Variants in HYCC1 observed in about 807,000 individuals in gnomAD.
The protein encoded by HYCC1 is hyccin PI4KA lipid kinase complex subunit 1.
chr7:22,908,148 A>T, the HYCC1 span, among the ~76,000 whole-genome samples: 3 of 152,208 alleles, frequency 2.0e-5, no homozygotes, highest in African/African-American at 7.2e-5. Flanking sequence ...AAAACATAAG[A>T]AGAGCTTAAG....
chr7:22,955,512 T>C, the HYCC1 span, among the ~76,000 whole-genome samples: 1 of 151,696 alleles, frequency 6.6e-6, no homozygotes, highest in African/African-American at 2.4e-5. Context: ...GCACTCATTA[T>C]TTGGAACTAT....
At chr7:22,925,332 G>T in the HYCC1 span, among the ~76,000 whole-genome samples, 9 of 152,198 alleles carry the variant, frequency 5.9e-5, no homozygotes, top group African/African-American at 2.2e-4. Context: ...GCTGAGCGGA[G>T]AATAACTTTG....
At chr7:22,932,979 G>T in the HYCC1 span, among the ~76,000 whole-genome samples, 1 of 152,174 alleles carries the variant, frequency 6.6e-6, no homozygotes, top group Non-Finnish European at 1.5e-5. Context: ...TGTGACAACA[G>T]AAGTAGAGAT....
At chr7:23,013,783 C>A in the HYCC1 span, 1 of 361,492 alleles carries the variant, frequency 2.8e-6, no homozygotes, top group Non-Finnish European at 5.6e-6. Context: ...GGAGCCGTTA[C>A]CCCCAGTGGA....
At chr7:22,988,387 G>A in the HYCC1 span, among the ~76,000 whole-genome samples, 1 of 152,096 alleles carries the variant, frequency 6.6e-6, no homozygotes, top group Admixed American at 6.5e-5. Context: ...CCCTATGCTT[G>A]CATTAAATTT....
At chr7:22,933,590 G>A in the HYCC1 span, among the ~76,000 whole-genome samples, 1 of 151,774 alleles carries the variant, frequency 6.6e-6, no homozygotes. Flanking sequence ...CATGTCTCTT[G>A]TAGTCACCAT....
At chr7:22,900,286 T>C in the HYCC1 span, among the ~76,000 whole-genome samples, 2 of 152,256 alleles carry the variant, frequency 1.3e-5, no homozygotes, top group Non-Finnish European at 2.9e-5. Flanking sequence ...ACAAGCTTAA[T>C]GACCTTGGCA....
At chr7:22,902,601 G>T in the HYCC1 span, among the ~76,000 whole-genome samples, 1 of 152,020 alleles carries the variant, frequency 6.6e-6, no homozygotes, top group East Asian at 1.9e-4. Context: ...AGGAGAACTG[G>T]ATAGACAGTC....
chr7:22,958,371 T>C, the HYCC1 span, among the ~76,000 whole-genome samples: 5 of 152,174 alleles, frequency 3.3e-5, no homozygotes, highest in African/African-American at 4.8e-5. Flanking sequence ...GGCTAAGCTG[T>C]ATTCTGTACC....
At chr7:23,012,730 G>A in the HYCC1 span, among the ~76,000 whole-genome samples, 12 of 152,130 alleles carry the variant, frequency 7.9e-5, no homozygotes, top group Non-Finnish European at 1.8e-4. Flanking sequence ...GGGGAGGTGG[G>A]GTGCCTGTGG....
At chr7:22,938,390 A>G in the HYCC1 span, 1 of 152,176 alleles carries the variant, frequency 6.6e-6, no homozygotes, top group African/African-American at 2.4e-5. Flanking sequence ...AAACCATTTG[A>G]GCATAGATCC....
the HYCC1 span, among the ~76,000 whole-genome samples, chr7:22,992,243 G>A: frequency 4.9e-4 from 75 of 151,936 alleles, no homozygotes; most frequent in Non-Finnish European, 9.4e-4. Context: ...TAAGGTTCCT[G>A]CTGTCTAATT....
the HYCC1 span, among the ~76,000 whole-genome samples, chr7:22,993,982 TTTTTG>T: frequency 2.0e-4 from 31 of 152,302 alleles, no homozygotes; most frequent in African/African-American, 7.2e-4. Flanking sequence ...TAGGCTTTTG[TTTTTG>T]TTTTGTTTTT....
the HYCC1 span, among the ~76,000 whole-genome samples, chr7:22,929,584 GT>G: frequency 2.0e-5 from 3 of 152,054 alleles, no homozygotes; most frequent in Non-Finnish European, 4.4e-5. Context: ...CAAAAAACAC[GT>G]GAAAAAATGC....
At chr7:22,946,161 T>G in the HYCC1 span, 3 of 1,610,718 alleles carry the variant, frequency 1.9e-6, no homozygotes, top group Non-Finnish European at 2.5e-6. Flanking sequence ...AATTCTGTAT[T>G]TCCTAAACAA....
the HYCC1 span, among the ~76,000 whole-genome samples, chr7:22,924,194 A>G: frequency 2.0e-4 from 29 of 148,302 alleles, no homozygotes; most frequent in African/African-American, 6.7e-4. Context: ...AAAAAAAAAA[A>G]AGGGGGGTGG....
At chr7:22,911,127 T>C in the HYCC1 span, among the ~76,000 whole-genome samples, 1 of 152,126 alleles carries the variant, frequency 6.6e-6, no homozygotes, top group Non-Finnish European at 1.5e-5. Flanking sequence ...AAGGAAGAAA[T>C]ATAGGAGTTC....
chr7:22,953,086 T>G, the HYCC1 span, among the ~76,000 whole-genome samples: 3 of 151,990 alleles, frequency 2.0e-5, no homozygotes, highest in Admixed American at 2.0e-4. Context: ...TTGAGGTGGA[T>G]TCAATTACTC....
the HYCC1 span, among the ~76,000 whole-genome samples, chr7:22,957,175 T>C: frequency 1.3e-5 from 2 of 151,878 alleles, no homozygotes; most frequent in South Asian, 4.1e-4. Context: ...AGAATAAATA[T>C]CCATTAATTG....
Sources: allele counts gnomAD v4.1 joint callset (sites outside exome capture counted in the v4.1 genomes callset), GRCh38; gene constraint gnomAD v4.1.1; transcripts MANE v1.5; gene names NCBI Gene and HGNC (gene_info 2026-07-23, HGNC 2026-07-21).